The following NCAM1 variants were observed in gnomAD, a reference collection of about 807,000 sequenced individuals.
NCAM1 encodes neural cell adhesion molecule 1.
In NCAM1, 14 loss-of-function variants were observed where a neutral mutation model predicts 109.8. The ratio of observed to expected loss-of-function variants is 0.13; its 90% CI spans 0.08 to 0.20. The LOEUF (loss-of-function observed/expected upper bound fraction) is 0.20. Ranked by LOEUF, NCAM1 falls within the 10% of genes least tolerant of loss-of-function variation. NCAM1 has a pLI of 1.00. For missense variants in NCAM1, 774 were observed against 1,109.9 expected, an observed-to-expected ratio of 0.70 and a Z score of 4.30; for synonymous variants, 418 against 442.9, an observed-to-expected ratio of 0.94 and a Z score of 0.70.
chr11:112,986,099 G>T (rs1304102002), intron 1 of NCAM1, among the ~76,000 whole-genome samples: 2 of 151,840 alleles, frequency 1.3e-5, no homozygotes, highest in Non-Finnish European at 2.9e-5. Context: ...TACCTAATTT[G>T]TTGAGAGTTT....
At chr11:112,961,937 G>T (rs2134404051) in intron 1 of NCAM1, among the ~76,000 whole-genome samples, 1 of 152,252 alleles carries the variant, frequency 6.6e-6, no homozygotes, top group South Asian at 2.1e-4. Flanking sequence ...CGCGGCGGTG[G>T]GAGCAGAGCC....
At chr11:113,009,931 A>T (rs1952004058) in intron 1 of NCAM1, among the ~76,000 whole-genome samples, 1 of 152,136 alleles carries the variant, frequency 6.6e-6, no homozygotes, top group African/African-American at 2.4e-5. Context: ...GGAAGCTTGT[A>T]TTTATCCACT....
chr11:113,158,554 C>T (rs917996485), intron 1 of NCAM1, among the ~76,000 whole-genome samples: 13 of 152,184 alleles, frequency 8.5e-5, no homozygotes, highest in African/African-American at 3.1e-4. Context: ...TTCTTCTCTC[C>T]CCTTGTCCCT....
At chr11:113,176,762 T>G (rs1412762015) in intron 1 of NCAM1, among the ~76,000 whole-genome samples, 3 of 152,196 alleles carry the variant, frequency 2.0e-5, no homozygotes, top group Admixed American at 1.3e-4. Context: ...TCTCTATGGC[T>G]ATGGGATGGA....
At chr11:113,056,822 ATTTGT>A (rs1427394478) in intron 1 of NCAM1, among the ~76,000 whole-genome samples, 1 of 151,910 alleles carries the variant, frequency 6.6e-6, no homozygotes, top group African/African-American at 2.4e-5. Context: ...ACTATAATAC[ATTTGT>A]TTTGTTTTTT....
intron 1 of NCAM1, among the ~76,000 whole-genome samples, chr11:113,022,805 C>G (rs1181782363): frequency 1.3e-5 from 2 of 152,166 alleles, no homozygotes; most frequent in African/African-American, 4.8e-5. Context: ...CACTCTCAAT[C>G]TTTATTACTA....
intron 1 of NCAM1, among the ~76,000 whole-genome samples, chr11:113,164,132 A>G (rs568445836): frequency 1.3e-5 from 2 of 152,192 alleles, no homozygotes; most frequent in South Asian, 4.2e-4. Context: ...ACTCTGAACT[A>G]AGGGTGGAGA....
rs782086334 is a variant in NCAM1 at position 113,270,241 on chromosome 11, A to C, written c.2185A>C (p.Ile729Leu). ...LSTGAIVGIL[I>L]VIFVLLLVVV... is the part of the protein sequence containing the mutation. ...CACCGGGGCCATCGTGGGCATCCTC[A>C]TCGTCATCTTCGTCCTGCTCCTGGT... The change falls in exon 18 of 20, where the codon ATC becomes CTC. Residue 729 changes from isoleucine (I) to leucine (L), a missense_variant. Physicochemically the swap from Ile to Leu is conservative, Grantham distance 5. This residue lies in a region of NCAM1 where 523 missense variants were observed against 784.2 expected (regional missense o/e 0.67). Transcript: ENST00000316851. 4.3e-6 allele frequency: 7 copies of C among 1,613,710 alleles called. No individual in the cohort carries two copies. Among genetic ancestry groups the C allele is most frequent in the Non-Finnish European group, 5.9e-6 (7 of 1,179,854 alleles).
At chr11:113,147,787 A>G (rs1216839535) in intron 1 of NCAM1, among the ~76,000 whole-genome samples, 1 of 152,202 alleles carries the variant, frequency 6.6e-6, no homozygotes, top group African/African-American at 2.4e-5. Context: ...CCATTTTTAT[A>G]ACATTTAAAG....
intron 16 of NCAM1, among the ~76,000 whole-genome samples, chr11:113,258,612 CT>C (rs1945891966): frequency 6.6e-6 from 1 of 152,138 alleles, no homozygotes; most frequent in Admixed American, 6.5e-5. Context: ...TCACAATTAC[CT>C]ATTGTATATT....
chr11:113,105,856 A>G (rs1555092443), intron 1 of NCAM1, among the ~76,000 whole-genome samples: 1 of 152,234 alleles, frequency 6.6e-6, no homozygotes, highest in East Asian at 1.9e-4. Context: ...CTGTGAATAT[A>G]TTAAAAGCCA....
intron 1 of NCAM1, among the ~76,000 whole-genome samples, chr11:113,002,542 C>G (rs1351915976): frequency 1.3e-5 from 2 of 152,128 alleles, no homozygotes; most frequent in African/African-American, 4.8e-5. Context: ...AATCTGTGTT[C>G]TACAGAAGAA....
chr11:113,275,150 C>A, intron 19 of NCAM1, 117 bp from the exon 20 acceptor site: 3 of 1,351,986 alleles, frequency 2.2e-6, no homozygotes, highest in Non-Finnish European at 2.0e-6. Context: ...GAGGTTGGAG[C>A]CGGGTGCTGT....
intron 1 of NCAM1, among the ~76,000 whole-genome samples, chr11:113,107,071 A>G (rs1320337477): frequency 2.0e-5 from 3 of 152,352 alleles, no homozygotes; most frequent in East Asian, 3.9e-4. Context: ...GAGGATTAAG[A>G]ATAGGATTAC....
At chr11:113,019,415 A>C (rs1591253234) in intron 1 of NCAM1, among the ~76,000 whole-genome samples, 1 of 151,994 alleles carries the variant, frequency 6.6e-6, no homozygotes, top group Non-Finnish European at 1.5e-5. Context: ...CTGATGATAA[A>C]CTCTGAGCAG....
intron 1 of NCAM1, among the ~76,000 whole-genome samples, chr11:113,171,386 C>T (rs1405863382): frequency 3.9e-5 from 6 of 152,140 alleles, no homozygotes; most frequent in African/African-American, 1.4e-4. Flanking sequence ...AATCCCAGCA[C>T]TTTGGGAGGC....
chr11:112,985,415 T>C (rs7950836), intron 1 of NCAM1, among the ~76,000 whole-genome samples: 68,425 of 151,702 alleles, frequency 0.45, 16,305 homozygotes, highest in East Asian at 0.8. Context: ...GATTTTTTTC[T>C]TATTTTTGTA....
chr11:112,982,541 G>A (rs1555068924), intron 1 of NCAM1, among the ~76,000 whole-genome samples: 1 of 151,870 alleles, frequency 6.6e-6, no homozygotes, highest in Admixed American at 6.6e-5. Context: ...CAGGGGGTAG[G>A]AGGAGCTACT....
At chr11:113,098,023 A>G (rs1400628908) in intron 1 of NCAM1, among the ~76,000 whole-genome samples, 2 of 152,226 alleles carry the variant, frequency 1.3e-5, no homozygotes, top group African/African-American at 2.4e-5. Context: ...AATGTATGAG[A>G]GAAAAATTTT....
Sources: allele counts gnomAD v4.1 joint callset (sites outside exome capture counted in the v4.1 genomes callset), GRCh38; gene constraint gnomAD v4.1.1; regional missense constraint gnomAD v4.1.1; transcripts MANE v1.5; gene names NCBI Gene and HGNC (gene_info 2026-07-23, HGNC 2026-07-21).